The following VSTM2A variants were observed in gnomAD, a reference collection of about 807,000 sequenced individuals.
VSTM2A encodes the protein V-set and transmembrane domain containing 2A.
VSTM2A carries 13 observed loss-of-function variants against 27.3 expected under a neutral mutation model. The observed-to-expected ratio is 0.48, with a 90% CI of 0.31 to 0.76. The LOEUF (loss-of-function observed/expected upper bound fraction) is 0.76, where lower values mean the gene tolerates loss of function less well. Among genes scored for constraint, VSTM2A ranks in the 30% least tolerant of loss-of-function variants. The pLI is 0.05. For synonymous variants in VSTM2A, 142 were observed against 125.7 expected (o/e 1.13, Z -0.87); for missense variants, 280 against 310.0 (o/e 0.90, Z 0.73).
intron 4 of VSTM2A, among the ~76,000 whole-genome samples, chr7:54,562,970 C>G (rs1172216735): frequency 1.3e-5 from 2 of 152,160 alleles, no homozygotes; most frequent in Non-Finnish European, 2.9e-5. Flanking sequence ...TTTAGCAACA[C>G]TTGTCTATAT....
At chr7:54,560,067 TA>T (rs1220404950) in intron 4 of VSTM2A, 4 of 152,180 alleles carry the variant, frequency 2.6e-5, no homozygotes, top group African/African-American at 9.6e-5. Context: ...AAAGAAAATT[TA>T]AATTTTTTCC....
chr7:54,550,105 A>G lies in VSTM2A; in HGVS notation c.569A>G (p.Gln190Arg), dbSNP rs1287870753. Residue 190 changes from glutamine (Q) to arginine (R), a missense_variant, in exon 4 of 5, where the codon CAA becomes CGA. By Grantham distance (43) the Gln-to-Arg change is conservative. Transcript: ENST00000402613. ...IPSSIHGSAN[Q>R]RTHSTSSPQV... ...AGCAGCATCCATGGCTCTGCCAACC[A>G]ACGAACGCACTCCACCTCCAGCCCT... is the stretch of plus-strand genomic sequence containing the variant. The G allele has an allele frequency of 1.2e-6, 2 of 1,607,990 alleles. No individual in the cohort carries two copies. Among genetic ancestry groups the G allele is most frequent in the Non-Finnish European group, 8.5e-7 (1 of 1,177,212 alleles).
rs118008150 is a variant in VSTM2A at position 54,569,192 on chromosome 7, G to A, written c.696G>A (p.Lys232=). 14 of 1,551,676 alleles carry A rather than the reference G, an allele frequency of 9.0e-6. No homozygotes were observed. The highest frequency in any genetic ancestry group is 1.2e-5 in the Non-Finnish European group (14 of 1,146,960). ...ERTAKLTLNS[K]HHPAPTVL Reference sequence around the variant, plus strand: ...CAGCAAAGTTGACCCTAAACTCCAAGCACCACCCTGCACCCACTGTACTCT... The same window carrying A: ...CAGCAAAGTTGACCCTAAACTCCAAACACCACCCTGCACCCACTGTACTCT... Residue 232 remains lysine, a synonymous_variant, in exon 5 of 5, where the codon AAG becomes AAA. Coordinates refer to ENST00000402613, the MANE Select transcript of VSTM2A (RefSeq NM_001301009.2).
intron 3 of VSTM2A, 32 bp from the exon 4 acceptor site, chr7:54,549,801 AC>A: frequency 2.3e-5 from 36 of 1,532,758 alleles, no homozygotes; most frequent in Non-Finnish European, 3.0e-5. Flanking sequence ...TTGATGTAGC[AC>A]TTTATTGTTT....
At chr7:54,559,349 T>C (rs1788476148) in intron 4 of VSTM2A, 2 of 152,222 alleles carry the variant, frequency 1.3e-5, no homozygotes, top group Non-Finnish European at 2.9e-5. Context: ...AATGCTATGT[T>C]TTTGGATGGC....
intron 4 of VSTM2A, among the ~76,000 whole-genome samples, chr7:54,568,751 G>A (rs1258229722): frequency 6.6e-6 from 1 of 152,132 alleles, no homozygotes; most frequent in South Asian, 2.1e-4. Flanking sequence ...TGAGGGAAAA[G>A]TATCTGGATT....
At chr7:54,554,382 A>T (rs550804124) in intron 4 of VSTM2A, among the ~76,000 whole-genome samples, 1 of 152,222 alleles carries the variant, frequency 6.6e-6, no homozygotes, top group South Asian at 2.1e-4. Context: ...TTGACTGCTA[A>T]ATTTTCTTAG....
Position 54,569,480 on chromosome 7 carries a change from T to C in VSTM2A, c.*261T>C. 4.1e-6 allele frequency: 2 copies of C among 491,584 alleles called. No individual in the cohort carries two copies. The highest frequency in any genetic ancestry group is 5.6e-4 in the Middle Eastern group (1 of 1,796). 30.5% of individuals were successfully genotyped at this position (491,584 alleles called of 1,614,324 possible). On this transcript the variant is annotated 3_prime_UTR_variant, in exon 5 of 5. Coordinates refer to ENST00000402613, the MANE Select transcript of VSTM2A (RefSeq NM_001301009.2). The stretch of plus-strand genomic sequence containing the variant: ...ACTATGGATACCACTAATTTCCTAC[T>C]AAAGGACCCAGCATCTTCAGGAAGC...
Position 54,569,416 on chromosome 7 carries a change from C to A in VSTM2A, c.*197C>A. ...GACTAAAATCATCTCACTGACTGCT[C>A]AAGGGTTGGCCTGAATGTCATCAGG... On this transcript the variant is annotated 3_prime_UTR_variant, in exon 5 of 5. Coordinates refer to ENST00000402613, the MANE Select transcript of VSTM2A (RefSeq NM_001301009.2). The A allele has an allele frequency of 1.1e-6, 1 of 950,288 alleles. No individual in the cohort carries two copies. Among genetic ancestry groups the A allele is most frequent in the Non-Finnish European group, 1.5e-6 (1 of 661,854 alleles). 58.9% of individuals were successfully genotyped at this position (950,288 alleles called of 1,614,324 possible).
intron 4 of VSTM2A, among the ~76,000 whole-genome samples, chr7:54,564,574 C>T (rs932991920): frequency 1.3e-5 from 2 of 152,192 alleles, no homozygotes; most frequent in Non-Finnish European, 1.5e-5. Context: ...GTTTTCTCCA[C>T]TCAGCGCCTT....
At chr7:54,563,244 A>G (rs942768572) in intron 4 of VSTM2A, among the ~76,000 whole-genome samples, 8 of 152,182 alleles carry the variant, frequency 5.3e-5, no homozygotes, top group South Asian at 2.1e-4. Context: ...TCTTAGCTCT[A>G]GAGTCAAACA....
intron 4 of VSTM2A, among the ~76,000 whole-genome samples, chr7:54,560,428 A>G (rs1400042830): frequency 6.6e-6 from 1 of 152,204 alleles, no homozygotes; most frequent in Non-Finnish European, 1.5e-5. Flanking sequence ...AATCAAACAC[A>G]TACAAGCAAA....
intron 4 of VSTM2A, among the ~76,000 whole-genome samples, chr7:54,564,709 G>A (rs1239944055): frequency 2.6e-5 from 4 of 152,098 alleles, no homozygotes; most frequent in African/African-American, 9.7e-5. Context: ...CCTGGGCCCA[G>A]ACTACCAAAT....
intron 4 of VSTM2A, chr7:54,556,935 A>G (rs1170764386): frequency 6.6e-6 from 1 of 152,238 alleles, no homozygotes; most frequent in African/African-American, 2.4e-5. Flanking sequence ...CCAGTGTTCT[A>G]AGTTCTTGTC....
chr7:54,543,080 T>G (rs1332792419), intron 1 of VSTM2A, among the ~76,000 whole-genome samples: 1 of 152,142 alleles, frequency 6.6e-6, no homozygotes. Context: ...TGTGTGGGTG[T>G]GTGTGTGCTT....
Position 54,570,574 on chromosome 7 carries a change from T to C in VSTM2A, c.*1355T>C, listed in dbSNP as rs1788863167. 6.6e-6 allele frequency: 1 copy of C among 152,210 alleles called. No homozygotes were observed. 9.4% of individuals were successfully genotyped at this position (152,210 alleles called of 1,614,324 possible). A position where few individuals can be genotyped will look rare whatever the true frequency, so the allele number is the denominator to read the frequency against. ...TCCCCGACTAAAGAAGATTAATGTG[T>C]TCAGTTTTCACTGGTTAAGTGAATT... On this transcript the variant is annotated 3_prime_UTR_variant, in exon 5 of 5. Coordinates refer to ENST00000402613, the MANE Select transcript of VSTM2A (RefSeq NM_001301009.2).
At chr7:54,553,514 TATG>T (rs1193757582) in intron 4 of VSTM2A, among the ~76,000 whole-genome samples, 4 of 152,178 alleles carry the variant, frequency 2.6e-5, no homozygotes, top group Non-Finnish European at 5.9e-5. Context: ...TGCCAATAAA[TATG>T]ATGTTATCAG....
chr7:54,545,176 C>A (rs1013859812), intron 2 of VSTM2A, among the ~76,000 whole-genome samples: 27 of 151,904 alleles, frequency 1.8e-4, no homozygotes, highest in Non-Finnish European at 3.4e-4. Flanking sequence ...ACCCCCTCTC[C>A]CTTCTCGGGG....
intron 4 of VSTM2A, among the ~76,000 whole-genome samples, chr7:54,560,806 C>A (rs892899951): frequency 2.0e-5 from 3 of 152,092 alleles, no homozygotes; most frequent in African/African-American, 7.2e-5. Flanking sequence ...ATTTTATTAT[C>A]TTCACAGACA....
Sources: gnomAD v4.1 joint callset for allele counts (sites outside exome capture counted in the v4.1 genomes callset) on GRCh38, gnomAD v4.1.1 for gene constraint, MANE v1.5 for transcripts, NCBI Gene and HGNC (gene_info 2026-07-23, HGNC 2026-07-21) for gene names.